NSL1: variants seen among roughly 807,000 people sequenced by gnomAD.
The protein encoded by NSL1 is NSL1 component of MIS12 kinetochore complex.
In NSL1, 11 loss-of-function variants were observed where a neutral mutation model predicts 25.4. That is an observed-to-expected ratio of 0.43 (90% CI 0.27 to 0.72). NSL1 has a LOEUF of 0.72. Ranked by LOEUF, NSL1 falls within the 30% of genes least tolerant of loss-of-function variation. The pLI, the probability that NSL1 is intolerant of heterozygous loss-of-function variation, is 0.19. For synonymous variants in NSL1, 118 were observed against 120.6 expected (o/e 0.98, Z 0.14); for missense variants, 330 against 342.7 (o/e 0.96, Z 0.29).
At chr1:212,783,206 C>T (rs995881691) in intron 3 of NSL1, among the ~76,000 whole-genome samples, 1 of 152,130 alleles carries the variant, frequency 6.6e-6, no homozygotes, top group African/African-American at 2.4e-5. Flanking sequence ...CTCACCTTAT[C>T]TATTTTGCAT....
chr1:212,786,144 AC>A (rs1438853308), intron 2 of NSL1, among the ~76,000 whole-genome samples: 1 of 151,066 alleles, frequency 6.6e-6, no homozygotes, highest in Non-Finnish European at 1.5e-5. Flanking sequence ...AGAGAGAGAG[AC>A]ACACACAGAT....
At position 212,731,837 on chromosome 1, in the gene NSL1, T is replaced by C; in HGVS notation, c.*6571A>G. The C allele has an allele frequency of 1.0e-6, 1 of 985,378 alleles. No individual in the cohort carries two copies. The highest frequency in any genetic ancestry group is 1.2e-6 in the Non-Finnish European group (1 of 829,910). The allele number at this position is 985,378 out of a possible 1,614,324, so 61.0% of individuals were successfully genotyped here. On this transcript the variant is annotated 3_prime_UTR_variant, in exon 6 of 6. Transcript: ENST00000366977. The stretch of plus-strand genomic sequence containing the variant: ...TGTACTGGTTGGCACAGAAGCCTCC[T>C]CACTATCCCTGCCACTCTGGCTGCT...
intron 1 of NSL1, among the ~76,000 whole-genome samples, chr1:212,790,593 G>A (rs1661165453): frequency 6.6e-6 from 1 of 152,140 alleles, no homozygotes; most frequent in South Asian, 2.1e-4. Flanking sequence ...CCGCACATTT[G>A]TGAGTTATGA....
At chr1:212,772,936 C>G (rs1361961403) in intron 4 of NSL1, among the ~76,000 whole-genome samples, 1 of 152,106 alleles carries the variant, frequency 6.6e-6, no homozygotes, top group Non-Finnish European at 1.5e-5. Flanking sequence ...CAAGAACACA[C>G]AATGGGGAAA....
intron 2 of NSL1, 70 bp downstream of exon 2, chr1:212,787,489 A>G: frequency 9.0e-7 from 1 of 1,107,078 alleles, no homozygotes; most frequent in Non-Finnish European, 1.3e-6. Flanking sequence ...AGATTAAAAA[A>G]CAGCATTCAA....
chr1:212,727,017 A>G lies in NSL1; in HGVS notation c.*11391T>C. 1 of 1,244,086 alleles carries G rather than the reference A, an allele frequency of 8.0e-7. No homozygotes were observed. Among genetic ancestry groups the G allele is most frequent in the Non-Finnish European group, 1.1e-6 (1 of 898,352 alleles). The allele number at this position is 1,244,086 out of a possible 1,614,324, so 77.1% of individuals were successfully genotyped here. On this transcript the variant is annotated 3_prime_UTR_variant, in exon 6 of 6. Transcript: ENST00000366977. ...TCTCAGAGGCCCTCCAGTCCAGTCT[A>G]CTCCGGCCTTGGAGATGACTGCCGA...
chr1:212,737,968 A>G lies in NSL1; in HGVS notation c.*440T>C, dbSNP rs921014502. ...AAAAACCCTGCATCTGCTGCTGTGC[A>G]GAACTGATAATTACTTTTCAGCATG... On this transcript the variant is annotated 3_prime_UTR_variant, in exon 6 of 6. Transcript: ENST00000366977. 2.0e-6 allele frequency: 2 copies of G among 987,116 alleles called. No homozygotes were observed. Among genetic ancestry groups the G allele is most frequent in the Non-Finnish European group, 2.4e-6 (2 of 831,232 alleles). 61.1% of individuals were successfully genotyped at this position (987,116 alleles called of 1,614,324 possible).
Position 212,729,777 on chromosome 1 carries a change from A to C in NSL1, c.*8631T>G, listed in dbSNP as rs1209948957. 9.1e-6 allele frequency: 9 copies of C among 985,166 alleles called. No individual in the cohort carries two copies. In the South Asian group the frequency reaches 4.2e-4, roughly 46 times the overall value. The allele number at this position is 985,166 out of a possible 1,614,324, so 61.0% of individuals were successfully genotyped here. ...TCTGGTGGAGATGCTCGGCTATAAA[A>C]CGGCTCAAAAGAACAGCTAGAACAT... On this transcript the variant is annotated 3_prime_UTR_variant, in exon 6 of 6. Coordinates refer to ENST00000366977, the MANE Select transcript of NSL1 (RefSeq NM_015471.4).
chr1:212,785,918 A>G (rs773095231), intron 2 of NSL1, among the ~76,000 whole-genome samples: 3 of 152,202 alleles, frequency 2.0e-5, no homozygotes, highest in Non-Finnish European at 2.9e-5. Flanking sequence ...CGGTATATAC[A>G]TATCAGATAA....
intron 4 of NSL1, among the ~76,000 whole-genome samples, chr1:212,754,858 A>ATGGGAAGC (rs1434393195): frequency 2.6e-5 from 4 of 151,912 alleles, no homozygotes; most frequent in Non-Finnish European, 5.9e-5. Context: ...ACCAGAAATG[A>ATGGGAAGC]TGGGAAGCAG....
At chr1:212,763,868 G>A (rs1344355012) in intron 4 of NSL1, 5 of 202,686 alleles carry the variant, frequency 2.5e-5, no homozygotes, top group African/African-American at 1.2e-4. Context: ...GCACTAGAAA[G>A]ATCAAGACAA....
chr1:212,735,410 AAAAG>A lies in NSL1; in HGVS notation c.*2994_*2997del. 1.0e-6 allele frequency: 1 copy of A among 985,450 alleles called. No individual in the cohort carries two copies. The highest frequency in any genetic ancestry group is 1.2e-6 in the Non-Finnish European group (1 of 829,934). 61.0% of individuals were successfully genotyped at this position (985,450 alleles called of 1,614,324 possible). On this transcript the variant is annotated 3_prime_UTR_variant, in exon 6 of 6. Coordinates refer to ENST00000366977, the MANE Select transcript of NSL1 (RefSeq NM_015471.4). The stretch of plus-strand genomic sequence containing the variant: ...AGAAATCAAACAAATTCAGCCTTAG[AAAAG>A]AAAAAGTACATCTTACAAGATGAAA...
rs930328960 is a variant in NSL1 at position 212,733,644 on chromosome 1, C to T, written c.*4764G>A. 3.3e-5 allele frequency among the ~76,000 whole-genome samples: 5 copies of T among 152,206 alleles called. No individual in the cohort carries two copies. The highest frequency in any genetic ancestry group is 6.5e-5 in the Admixed American group (1 of 15,284). On this transcript the variant is annotated 3_prime_UTR_variant, in exon 6 of 6. Coordinates refer to ENST00000366977, the MANE Select transcript of NSL1 (RefSeq NM_015471.4). ...CTTGGCATGTTTTAAGGTTCATCTA[C>T]ACTGTGGCATTTACCAGTACCTCAT...
rs1043565477 is a variant in NSL1 at position 212,729,609 on chromosome 1, C to T, written c.*8799G>A. 5.1e-6 allele frequency: 5 copies of T among 985,236 alleles called. No homozygotes were observed. The Admixed American group carries it at 1.8e-4, about 36-fold the overall frequency. 61.0% of individuals were successfully genotyped at this position (985,236 alleles called of 1,614,324 possible). ...ACTTCCTCAGGATCAGAGGCAGGCACACAGGGCATAGACAGAATATGACAA... is the reference window on the plus strand; with the variant it reads ...ACTTCCTCAGGATCAGAGGCAGGCATACAGGGCATAGACAGAATATGACAA... On this transcript the variant is annotated 3_prime_UTR_variant, in exon 6 of 6. Coordinates refer to ENST00000366977, the MANE Select transcript of NSL1 (RefSeq NM_015471.4).
intron 4 of NSL1, among the ~76,000 whole-genome samples, chr1:212,779,036 C>T (rs937222669): frequency 2.1e-5 from 3 of 145,728 alleles, no homozygotes; most frequent in Admixed American, 6.7e-5. Flanking sequence ...ATGTGGGGAG[C>T]GCCTCTGCCC....
chr1:212,749,339 GTTTTTTT>G (rs10717383), intron 4 of NSL1, among the ~76,000 whole-genome samples: 1 of 76,952 alleles, frequency 1.3e-5, no homozygotes, highest in Admixed American at 1.8e-4. Flanking sequence ...GTTTTATTGT[GTTTTTTT>G]TTTTTTTTTT....
chr1:212,782,150 T>C (rs1571919746), intron 4 of NSL1: 1 of 712,128 alleles, frequency 1.4e-6, no homozygotes, highest in South Asian at 1.4e-5. Flanking sequence ...AAGAACTTTA[T>C]AAAAGCTCAG....
intron 4 of NSL1, among the ~76,000 whole-genome samples, chr1:212,781,703 T>C (rs929672580): frequency 1.5e-4 from 23 of 152,342 alleles, no homozygotes; most frequent in African/African-American, 5.3e-4. Flanking sequence ...TTTAGAAATG[T>C]CATTTTAAGT....
chr1:212,736,936 T>G lies in NSL1; in HGVS notation c.*1472A>C. On this transcript the variant is annotated 3_prime_UTR_variant, in exon 6 of 6. Coordinates refer to ENST00000366977, the MANE Select transcript of NSL1 (RefSeq NM_015471.4). The stretch of plus-strand genomic sequence containing the variant: ...AAGTAGCTTATATAATCTAATAGAA[T>G]TAACAATAACTCTTTTGTTTGGGGA... 1 of 984,016 alleles carries G rather than the reference T, an allele frequency of 1.0e-6. No individual in the cohort carries two copies. The highest frequency in any genetic ancestry group is 1.2e-6 in the Non-Finnish European group (1 of 828,618). The allele number at this position is 984,016 out of a possible 1,614,324, so 61.0% of individuals were successfully genotyped here.
Sources: allele counts gnomAD v4.1 joint callset (sites outside exome capture counted in the v4.1 genomes callset), GRCh38; gene constraint gnomAD v4.1.1; transcripts MANE v1.5; gene names NCBI Gene and HGNC (gene_info 2026-07-23, HGNC 2026-07-21).